COL23A1: variants seen among roughly 807,000 people sequenced by gnomAD.
COL23A1 encodes collagen alpha-1(XXIII) chain.
In COL23A1, 97 loss-of-function variants were observed where a neutral mutation model predicts 99.3. The observed-to-expected ratio is 0.98, with a 90% CI of 0.83 to 1.16. The LOEUF (loss-of-function observed/expected upper bound fraction) is 1.16, where lower values mean the gene tolerates loss of function less well. Among genes scored for constraint, COL23A1 ranks in the 50% most tolerant of loss-of-function variants. COL23A1 has a pLI of 0.00. For synonymous variants in COL23A1, 320 were observed against 308.2 expected (o/e 1.04, Z -0.40); for missense variants, 762 against 757.4 (o/e 1.01, Z -0.07).
At chr5:178,448,079 T>TAGTGAA (rs1767265322) in intron 2 of COL23A1, among the ~76,000 whole-genome samples, 1 of 152,168 alleles carries the variant, frequency 6.6e-6, no homozygotes, top group Non-Finnish European at 1.5e-5. Flanking sequence ...TCATGAGGGC[T>TAGTGAA]CTCCCCTCGT....
At chr5:178,270,790 A>G (rs966914173) in intron 5 of COL23A1, among the ~76,000 whole-genome samples, 3 of 152,192 alleles carry the variant, frequency 2.0e-5, no homozygotes, top group Non-Finnish European at 2.9e-5. Flanking sequence ...GGACCACCAC[A>G]TGGCTTGAGA....
chr5:178,522,191 C>T (rs770876094), intron 2 of COL23A1, among the ~76,000 whole-genome samples: 1 of 152,228 alleles, frequency 6.6e-6, no homozygotes, highest in South Asian at 2.1e-4. Flanking sequence ...AGACCTAAAA[C>T]GTGTTTTCGG....
At chr5:178,341,980 G>GT (rs1561877974) in intron 2 of COL23A1, among the ~76,000 whole-genome samples, 1 of 152,002 alleles carries the variant, frequency 6.6e-6, no homozygotes, top group Non-Finnish European at 1.5e-5. Flanking sequence ...ACCATTTTTC[G>GT]TAACACACCG....
At chr5:178,565,518 C>G (rs1762798199) in intron 1 of COL23A1, among the ~76,000 whole-genome samples, 1 of 152,080 alleles carries the variant, frequency 6.6e-6, no homozygotes, top group East Asian at 1.9e-4. Context: ...TTTCCTGACC[C>G]CTTTAAACGT....
intron 2 of COL23A1, among the ~76,000 whole-genome samples, chr5:178,553,840 T>C (rs1029696063): frequency 2.0e-5 from 3 of 152,174 alleles, no homozygotes; most frequent in African/African-American, 7.2e-5. Context: ...AGATTCCCAG[T>C]GGCCTCCTAC....
chr5:178,585,936 A>C (rs1200615031), intron 1 of COL23A1, among the ~76,000 whole-genome samples: 1 of 152,228 alleles, frequency 6.6e-6, no homozygotes, highest in Non-Finnish European at 1.5e-5. Flanking sequence ...AGTGGCTGTA[A>C]GTCTGCCGAA....
chr5:178,287,863 C>T (rs1328789260), intron 5 of COL23A1, among the ~76,000 whole-genome samples: 2 of 152,188 alleles, frequency 1.3e-5, no homozygotes, highest in African/African-American at 2.4e-5. Context: ...CCCAGGAATG[C>T]GCTAGCTTTT....
chr5:178,546,249 G>A (rs956947347), intron 2 of COL23A1, among the ~76,000 whole-genome samples: 1 of 152,110 alleles, frequency 6.6e-6, no homozygotes, highest in African/African-American at 2.4e-5. Context: ...CCCGAGGTGG[G>A]GGTATCACCC....
At chr5:178,467,604 C>A (rs956504814) in intron 2 of COL23A1, among the ~76,000 whole-genome samples, 1 of 152,152 alleles carries the variant, frequency 6.6e-6, no homozygotes, top group Non-Finnish European at 1.5e-5. Flanking sequence ...TGTGGAAATT[C>A]TCTAGGTCTC....
intron 2 of COL23A1, among the ~76,000 whole-genome samples, chr5:178,557,618 G>A (rs1380379114): frequency 1.3e-5 from 2 of 152,146 alleles, no homozygotes; most frequent in East Asian, 1.9e-4. Context: ...AAAAGATTCC[G>A]CTGACTCCCC....
At chr5:178,471,086 C>T (rs1756721026) in intron 2 of COL23A1, among the ~76,000 whole-genome samples, 1 of 152,152 alleles carries the variant, frequency 6.6e-6, no homozygotes, top group African/African-American at 2.4e-5. Context: ...GTGTATTGGT[C>T]AGGTCCCTGC....
In COL23A1 at chr5:178,437,446, A is replaced by G. The variant is rs924639089; in HGVS notation, c.361+123236T>C. ...GGTCGCCAGGATCTGGTCCACTTCT[A>G]TGGAATCCCCAAGCCCAGCAGGAGC... On this transcript the variant is annotated intron_variant, in intron 2 of 28. Coordinates refer to ENST00000390654, the MANE Select transcript of COL23A1 (RefSeq NM_173465.4). Among the ~76,000 whole-genome samples the G allele has an allele frequency of 8.5e-5, 13 of 152,152 alleles. 1 individual carries two copies. Among genetic ancestry groups the G allele is most frequent in the African/African-American group, 2.9e-4 (12 of 41,446 alleles).
In COL23A1 at chr5:178,306,191, C is replaced by T. The variant is rs978241289; in HGVS notation, c.406+684G>A. 2.0e-5 allele frequency among the ~76,000 whole-genome samples: 3 copies of T among 151,966 alleles called. No individual in the cohort carries two copies. Among genetic ancestry groups the T allele is most frequent in the Non-Finnish European group, 2.9e-5 (2 of 67,980 alleles). On this transcript the variant is annotated intron_variant, in intron 3 of 28. Transcript: ENST00000390654. This position sits in a 1 kb window ranked among gnomAD's most constrained non-coding sequence, Gnocchi z 4.1. ...AGGGAGGAAGCGCAGCCCAGACAGCCGGGACTGCCCAGCATGGGGGAGTGG... is the reference window on the plus strand; with the variant it reads ...AGGGAGGAAGCGCAGCCCAGACAGCTGGGACTGCCCAGCATGGGGGAGTGG...
At chr5:178,357,319 T>C (rs1202311265) in intron 2 of COL23A1, among the ~76,000 whole-genome samples, 7 of 152,186 alleles carry the variant, frequency 4.6e-5, no homozygotes, top group Admixed American at 1.3e-4. Context: ...GAGAATGCCT[T>C]TTCTGTGAGC....
intron 2 of COL23A1, among the ~76,000 whole-genome samples, chr5:178,357,764 GTA>G (rs66481317): frequency 0.099 from 14,831 of 149,682 alleles, 865 homozygotes; most frequent in East Asian, 0.2. Flanking sequence ...GTGTGTACGT[GTA>G]TGTATGTGTG....
At chr5:178,580,860 T>C (rs1763627642) in intron 1 of COL23A1, among the ~76,000 whole-genome samples, 1 of 152,054 alleles carries the variant, frequency 6.6e-6, no homozygotes, top group Non-Finnish European at 1.5e-5. Flanking sequence ...ACTTTACAAA[T>C]TAGCCAGCTG....
chr5:178,496,036 A>G (rs1758182345), intron 2 of COL23A1, among the ~76,000 whole-genome samples: 2 of 152,138 alleles, frequency 1.3e-5, no homozygotes, highest in South Asian at 2.1e-4. Context: ...TAAGTGCTTC[A>G]TTTCACCCCT....
intron 12 of COL23A1, among the ~76,000 whole-genome samples, chr5:178,258,399 T>G (rs1765445641): frequency 2.2e-5 from 3 of 134,448 alleles, no homozygotes; most frequent in South Asian, 5.3e-4. Context: ...GAGAGGTTTT[T>G]TTTTTTTTTT....
intron 2 of COL23A1, among the ~76,000 whole-genome samples, chr5:178,525,928 G>A (rs951999694): frequency 3.3e-5 from 5 of 152,262 alleles, no homozygotes; most frequent in Admixed American, 3.3e-4. Flanking sequence ...TAGGAACACA[G>A]GCCTGACCTC....
Sources: allele counts gnomAD v4.1 joint callset (sites outside exome capture counted in the v4.1 genomes callset), GRCh38; gene constraint gnomAD v4.1.1; non-coding constraint Gnocchi (gnomAD v3.1); transcripts MANE v1.5; gene names NCBI Gene and HGNC (gene_info 2026-07-23, HGNC 2026-07-21).